UPK3B: variants seen among roughly 807,000 people sequenced by gnomAD.
UPK3B encodes the protein uroplakin-3b.
UPK3B carries 21 observed loss-of-function variants against 27.6 expected under a neutral mutation model. The ratio of observed to expected loss-of-function variants is 0.76; its 90% CI spans 0.54 to 1.10. UPK3B has a LOEUF of 1.10. Among genes scored for constraint, UPK3B ranks in the 50% least tolerant of loss-of-function variants. The pLI is 0.00. For missense variants in UPK3B, 306 were observed against 376.1 expected (o/e 0.81, Z 1.54); for synonymous variants, 141 against 162.3 (o/e 0.87, Z 1.00).
intron 4 of UPK3B, 117 bp from the exon 5 acceptor site, chr7:76,513,830 A>G: frequency 1.3e-6 from 2 of 1,502,496 alleles, no homozygotes; most frequent in Non-Finnish European, 1.8e-6. Context: ...GCCTGGGGAT[A>G]TGAGACAGCC....
chr7:76,510,975 T>C lies in UPK3B; in HGVS notation c.158T>C (p.Leu53Pro), dbSNP rs746584102. ...EGKVTATTFS[L>P]EQPRCVFDGL... is the part of the protein sequence containing the mutation. ...AAGGTCACAGCCACCACCTTCTCCC[T>C]GGAGCAGCCGCGCTGTGTCTTCGAT... The change falls in exon 2 of 6, where the codon CTG becomes CCG. Residue 53 changes from leucine to proline, a missense_variant. Around this residue, in one of 4 missense-constraint regions of UPK3B, gnomAD observed 21 missense variants for 58.4 expected, o/e 0.36. Transcript: ENST00000334348. 4 of 1,583,044 alleles carry C rather than the reference T, an allele frequency of 2.5e-6. No homozygotes were observed. The East Asian group carries it at 9.3e-5, about 37-fold the overall frequency.
chr7:76,513,903 T>C (rs1812628101), intron 4 of UPK3B, 44 bp from the exon 5 acceptor site: 2 of 1,611,198 alleles, frequency 1.2e-6, no homozygotes, highest in Admixed American at 1.7e-5. Flanking sequence ...CAGCCAGCCC[T>C]GGGGTCGAGG....
intron 5 of UPK3B, 87 bp from the exon 6 acceptor site, chr7:76,514,958 G>A (rs1812678064): frequency 1.4e-6 from 2 of 1,456,644 alleles, no homozygotes; most frequent in African/African-American, 1.4e-5. Context: ...ACATGAGGGA[G>A]CTGGGAGGGA....
chr7:76,514,983 G>GACCC (rs1812678747), intron 5 of UPK3B, 62 bp from the exon 6 acceptor site: 16 of 1,533,100 alleles, frequency 1.0e-5, no homozygotes, highest in Non-Finnish European at 1.4e-5. Flanking sequence ...AGCAGGCCTT[G>GACCC]ACCCAGCACG....
chr7:76,513,660 G>A (rs1365259970), intron 4 of UPK3B, among the ~76,000 whole-genome samples: 1 of 152,130 alleles, frequency 6.6e-6, no homozygotes, highest in Non-Finnish European at 1.5e-5. Context: ...GTCATCTGAA[G>A]GCCTTGACTG....
At chr7:76,513,369 C>CGCAAG (rs1485612537) in intron 4 of UPK3B, among the ~76,000 whole-genome samples, 4 of 152,178 alleles carry the variant, frequency 2.6e-5, no homozygotes, top group Admixed American at 6.5e-5. Flanking sequence ...TCGGCCCATC[C>CGCAAG]GCAAGCGTTT....
chr7:76,514,445 C>T (rs1390642485), intron 5 of UPK3B, among the ~76,000 whole-genome samples: 2 of 152,202 alleles, frequency 1.3e-5, no homozygotes, highest in African/African-American at 4.8e-5. Flanking sequence ...CTCACTCGGG[C>T]CCTGTCTTTT....
At chr7:76,514,200 C>T in intron 5 of UPK3B, 124 bp downstream of exon 5, 1 of 1,451,384 alleles carries the variant, frequency 6.9e-7, no homozygotes. Flanking sequence ...GAGACAGGGA[C>T]TTGCTATGTT....
At chr7:76,514,247 C>T (rs1384803659) in intron 5 of UPK3B, among the ~76,000 whole-genome samples, 171 bp downstream of exon 5, 1 of 152,154 alleles carries the variant, frequency 6.6e-6, no homozygotes, top group Non-Finnish European at 1.5e-5. Flanking sequence ...CTCAAGCGAT[C>T]CTCCCGTCTC....
At chr7:76,514,211 GC>G in intron 5 of UPK3B, 135 bp downstream of exon 5, 3 of 1,389,590 alleles carry the variant, frequency 2.2e-6, no homozygotes, top group South Asian at 2.6e-5. Flanking sequence ...TTGCTATGTT[GC>G]CCAGGCTGGT....
At position 76,515,327 on chromosome 7, in the gene UPK3B, A is replaced by C. The variant is rs1812704208; in HGVS notation, c.*123A>C. Reference sequence around the variant, plus strand: ...CCTTGCCTTTCCCCCCCACCAGCACACCCCGTACCCTGCCTGGAATCCCAG... The same window carrying C: ...CCTTGCCTTTCCCCCCCACCAGCACCCCCCGTACCCTGCCTGGAATCCCAG... On this transcript the variant is annotated 3_prime_UTR_variant, in exon 6 of 6. Transcript: ENST00000334348. 5 of 1,497,090 alleles carry C rather than the reference A, an allele frequency of 3.3e-6. No homozygotes were observed. Among genetic ancestry groups the C allele is most frequent in the Admixed American group, 2.2e-5 (1 of 46,350 alleles). The allele number at this position is 1,497,090 out of a possible 1,614,324, so 92.7% of individuals were successfully genotyped here.
chr7:76,512,891 A>G (rs1398456640), intron 3 of UPK3B, among the ~76,000 whole-genome samples, 193 bp from the exon 4 acceptor site: 6 of 152,166 alleles, frequency 3.9e-5, no homozygotes, highest in African/African-American at 1.4e-4. Context: ...GGGTGGTGGC[A>G]CAGGCCAAGT....
rs764421327 is a variant in UPK3B, at chr7:76,510,747, G to A, written c.85+10G>A. 14 of 1,531,158 alleles carry A rather than the reference G, an allele frequency of 9.1e-6. No homozygotes were observed. In the South Asian group the frequency reaches 1.7e-4, roughly 18 times the overall value. The allele number at this position is 1,531,158 out of a possible 1,614,324, so 94.8% of individuals were successfully genotyped here. The stretch of plus-strand genomic sequence containing the variant: ...CCCAGCCTGAGCCTGGGTGAGTGGG[G>A]GTCCTGGATGGACGCGTCCAGCCAG... On this transcript the variant is annotated intron_variant, in intron 1 of 5. Transcript: ENST00000334348.
chr7:76,512,143 A>G (rs1216191715), intron 3 of UPK3B, among the ~76,000 whole-genome samples: 3 of 151,716 alleles, frequency 2.0e-5, no homozygotes, highest in African/African-American at 4.8e-5. Context: ...AGCTTCCCCA[A>G]AGTCTAGGCC....
At position 76,510,748 on chromosome 7, in the gene UPK3B, G is replaced by C. The variant is rs754153378; in HGVS notation, c.85+11G>C. ...CCAGCCTGAGCCTGGGTGAGTGGGG[G>C]TCCTGGATGGACGCGTCCAGCCAGA... On this transcript the variant is annotated intron_variant, in intron 1 of 5. Coordinates refer to ENST00000334348, the MANE Select transcript of UPK3B (RefSeq NM_001347684.2). 1 of 1,540,078 alleles carries C rather than the reference G, an allele frequency of 6.5e-7. No individual in the cohort carries two copies. The highest frequency in any genetic ancestry group is 2.0e-5 in the Admixed American group (1 of 51,114).
intron 4 of UPK3B, 115 bp from the exon 5 acceptor site, chr7:76,513,832 G>A (rs1812626064): frequency 6.6e-7 from 1 of 1,520,700 alleles, no homozygotes; most frequent in Non-Finnish European, 8.9e-7. Flanking sequence ...CTGGGGATAT[G>A]AGACAGCCAG....
At position 76,515,306 on chromosome 7, in the gene UPK3B, G is replaced by A; in HGVS notation, c.*102G>A. 6.6e-7 allele frequency: 1 copy of A among 1,526,404 alleles called. No individual in the cohort carries two copies. The highest frequency in any genetic ancestry group is 8.8e-7 in the Non-Finnish European group (1 of 1,133,676). The allele number at this position is 1,526,404 out of a possible 1,614,324, so 94.6% of individuals were successfully genotyped here. ...CCCACAGGCCCCCTCAGGGCTCCTT[G>A]CCTTTCCCCCCCACCAGCACACCCC... is the stretch of plus-strand genomic sequence containing the variant. On this transcript the variant is annotated 3_prime_UTR_variant, in exon 6 of 6. Transcript: ENST00000334348.
intron 4 of UPK3B, among the ~76,000 whole-genome samples, chr7:76,513,385 A>G (rs899942557): frequency 2.5e-4 from 38 of 152,016 alleles, no homozygotes; most frequent in African/African-American, 8.9e-4. Flanking sequence ...CGTTTGCCAC[A>G]TTGTGGGCAC....
Position 76,511,797 on chromosome 7 carries a change from G to A in UPK3B, c.376G>A (p.Ala126Thr), listed in dbSNP as rs758887521. Residue 126 changes from alanine (A) to threonine (T), a missense_variant, in exon 3 of 6, where the codon GCC becomes ACC. By Grantham distance (58) the Ala-to-Thr change is moderately conservative (BLOSUM62 0). Transcript: ENST00000334348. ...CGACCCCATGGCGGGCAGCGGAGGC[G>A]CCCCCGTGCTGCGGGTGGGCCATGA... ...CGDPMAGSGG[A>T]PVLRVGHDHG... 1.0e-4 allele frequency: 158 copies of A among 1,565,068 alleles called. 1 individual carries two copies. The South Asian group carries it at 1.4e-3, about 14-fold the overall frequency.
Sources: gnomAD v4.1 joint callset for allele counts (sites outside exome capture counted in the v4.1 genomes callset) on GRCh38, gnomAD v4.1.1 for gene constraint, gnomAD v4.1.1 regional missense constraint, MANE v1.5 for transcripts, NCBI Gene and HGNC (gene_info 2026-07-23, HGNC 2026-07-21) for gene names.